Variants in ATP8A2 observed in about 807,000 individuals in gnomAD.
ATP8A2 encodes the protein ATPase phospholipid transporting 8A2.
A neutral mutation model predicts 165.6 loss-of-function variants in ATP8A2; 100 were observed. The observed-to-expected ratio is 0.60, with a 90% CI of 0.51 to 0.71. The LOEUF is 0.71. Among genes scored for constraint, ATP8A2 ranks in the 30% least tolerant of loss-of-function variants. The pLI is 0.00. For missense variants in ATP8A2, 1,227 were observed against 1,479.5 expected (o/e 0.83, Z 2.80); for synonymous variants, 543 against 548.8 (o/e 0.99, Z 0.15).
chr13:25,913,750 A>G (rs763548803), intron 33 of ATP8A2, among the ~76,000 whole-genome samples: 8 of 152,206 alleles, frequency 5.3e-5, no homozygotes, highest in Non-Finnish European at 1.0e-4. Flanking sequence ...GCATTTTTTG[A>G]AGTGATTTGA....
At chr13:25,402,209 A>G (rs562588813) in intron 1 of ATP8A2, among the ~76,000 whole-genome samples, 1 of 152,206 alleles carries the variant, frequency 6.6e-6, no homozygotes. Flanking sequence ...AGATTTCATC[A>G]TGCCACTCAG....
At chr13:25,787,009 T>C (rs1389890814) in intron 27 of ATP8A2, among the ~76,000 whole-genome samples, 1 of 152,212 alleles carries the variant, frequency 6.6e-6, no homozygotes, top group African/African-American at 2.4e-5. Context: ...TCTCAAACTC[T>C]TGGCCTCAAG....
intron 25 of ATP8A2, among the ~76,000 whole-genome samples, chr13:25,747,119 T>C (rs181003719): frequency 1.6e-4 from 24 of 152,350 alleles, no homozygotes; most frequent in Admixed American, 1.2e-3. Context: ...TGGAAAGATC[T>C]AAAATAGCAA....
chr13:25,427,209 G>A lies in ATP8A2; in HGVS notation c.77-41768G>A, dbSNP rs182989160. ...AGCTCCCCATTACTGCCTGAGCTCC[G>A]CCTCCTGTCAGATCAGCGGCAGCAT... On this transcript the variant is annotated intron_variant, in intron 1 of 36. Transcript: ENST00000381655. 9.6e-4 allele frequency among the ~76,000 whole-genome samples: 146 copies of A among 152,102 alleles called. No homozygotes were observed. In the East Asian group the frequency reaches 0.02, roughly 21 times the overall value.
chr13:25,647,045 A>G (rs891376891), intron 24 of ATP8A2, among the ~76,000 whole-genome samples: 21 of 152,182 alleles, frequency 1.4e-4, no homozygotes, highest in Admixed American at 1.2e-3. Context: ...TTAATGTCAG[A>G]ATTTGTCATT....
intron 25 of ATP8A2, among the ~76,000 whole-genome samples, chr13:25,762,200 C>A (rs138948525): frequency 8.1e-6 from 1 of 122,720 alleles, no homozygotes; most frequent in Non-Finnish European, 1.6e-5. Context: ...ACCTGGGAGG[C>A]GGAGGTTGCA....
intron 16 of ATP8A2, chr13:25,567,421 T>A: frequency 2.2e-6 from 1 of 456,552 alleles, no homozygotes; most frequent in South Asian, 1.5e-5. Flanking sequence ...TTTCTTCTTC[T>A]TTCCTTTCCT....
rs868702385 is a variant in ATP8A2 at position 25,831,635 on chromosome 13, G to A, written c.2754+3443G>A. Among the ~76,000 whole-genome samples, 3 of 152,182 alleles carry A rather than the reference G, an allele frequency of 2.0e-5. 1 individual carries two copies. Among genetic ancestry groups the A allele is most frequent in the Middle Eastern group, 3.4e-3 (1 of 294 alleles). The stretch of plus-strand genomic sequence containing the variant: ...AAGCAGGTGGATCACCTGAGGTCAA[G>A]AGTTCGAGACCAGCCTGGCCAACAT... On this transcript the variant is annotated intron_variant, in intron 28 of 36. Transcript: ENST00000381655.
intron 33 of ATP8A2, among the ~76,000 whole-genome samples, chr13:25,876,777 A>G (rs1169973322): frequency 6.6e-6 from 1 of 152,230 alleles, no homozygotes; most frequent in Non-Finnish European, 1.5e-5. Flanking sequence ...AAAAAGGAAT[A>G]AGCCTTTGTC....
In ATP8A2 at chr13:25,778,829, T is replaced by C. The variant is rs150052569; in HGVS notation, c.2679+3870T>C. Among the ~76,000 whole-genome samples, 543 of 152,324 alleles carry C rather than the reference T, an allele frequency of 3.6e-3. 2 individuals carry two copies. The highest frequency in any genetic ancestry group is 5.1e-3 in the Non-Finnish European group (344 of 68,030). On this transcript the variant is annotated intron_variant, in intron 27 of 36. Coordinates refer to ENST00000381655, the MANE Select transcript of ATP8A2 (RefSeq NM_016529.6). Reference sequence around the variant, plus strand: ...TCCTCCTTACTTTATTTGTAATCAGTGTTACTCAAGTATGATTGATGTACA... The same window carrying C: ...TCCTCCTTACTTTATTTGTAATCAGCGTTACTCAAGTATGATTGATGTACA...
chr13:25,918,195 G>A (rs1230415614), intron 33 of ATP8A2, among the ~76,000 whole-genome samples: 7 of 152,210 alleles, frequency 4.6e-5, no homozygotes, highest in African/African-American at 1.7e-4. Flanking sequence ...TTGAAGGATA[G>A]GCTTCCAAAA....
At chr13:25,987,316 A>G (rs1468738619) in intron 35 of ATP8A2, among the ~76,000 whole-genome samples, 4 of 152,220 alleles carry the variant, frequency 2.6e-5, no homozygotes, top group African/African-American at 7.2e-5. Context: ...AGGCTTTTCA[A>G]TAAGAGCTGT....
chr13:25,709,998 G>A (rs970730542), intron 25 of ATP8A2, among the ~76,000 whole-genome samples: 7 of 152,228 alleles, frequency 4.6e-5, no homozygotes, highest in East Asian at 1.9e-4. Flanking sequence ...ATAACTCATC[G>A]CTGGGTGTCT....
intron 2 of ATP8A2, among the ~76,000 whole-genome samples, chr13:25,513,167 G>A (rs1170047585): frequency 7.9e-5 from 12 of 151,974 alleles, no homozygotes; most frequent in African/African-American, 2.2e-4. Flanking sequence ...CAGATGGGGC[G>A]GCTGCCGGGC....
At chr13:25,497,339 C>G (rs778265810) in intron 2 of ATP8A2, among the ~76,000 whole-genome samples, 1 of 152,078 alleles carries the variant, frequency 6.6e-6, no homozygotes, top group Non-Finnish European at 1.5e-5. Context: ...TTTAACCATT[C>G]AAAAGAATGG....
At chr13:25,804,030 C>T (rs895554619) in intron 27 of ATP8A2, among the ~76,000 whole-genome samples, 2 of 152,136 alleles carry the variant, frequency 1.3e-5, no homozygotes, top group African/African-American at 4.8e-5. Flanking sequence ...ACAGCAAGGA[C>T]AAAGAGATGA....
At chr13:25,705,197 T>C (rs117227605) in intron 25 of ATP8A2, 1 of 435,758 alleles carries the variant, frequency 2.3e-6, no homozygotes, top group Non-Finnish European at 4.6e-6. Flanking sequence ...ATAAATTCTC[T>C]AGCACAGACT....
At chr13:25,698,824 T>A (rs6491087) in intron 24 of ATP8A2, among the ~76,000 whole-genome samples, 116,216 of 152,100 alleles carry the variant, frequency 0.76, 44,679 homozygotes, top group Non-Finnish European at 0.81. Context: ...CTGAGAAATG[T>A]TAGTGTTTGC....
chr13:25,762,112 G>GA (rs1420672286), intron 25 of ATP8A2, among the ~76,000 whole-genome samples: 1 of 151,348 alleles, frequency 6.6e-6, no homozygotes, highest in Non-Finnish European at 1.5e-5. Context: ...AAATACAAAA[G>GA]AAAAAAATTA....
Sources: allele counts gnomAD v4.1 joint callset (sites outside exome capture counted in the v4.1 genomes callset), GRCh38; gene constraint gnomAD v4.1.1; transcripts MANE v1.5; gene names NCBI Gene and HGNC (gene_info 2026-07-23, HGNC 2026-07-21).